The following APBB2 variants were observed in gnomAD, a reference collection of about 807,000 sequenced individuals.
APBB2 encodes amyloid beta precursor protein binding family B member 2, also known as Fe65-like 1.
In APBB2, 38 loss-of-function variants were observed where a neutral mutation model predicts 82.5. The ratio of observed to expected loss-of-function variants is 0.46; its 90% CI spans 0.36 to 0.60. The LOEUF is 0.60. Ranked by LOEUF, APBB2 falls within the 20% of genes least tolerant of loss-of-function variation. The pLI, the probability that APBB2 is intolerant of heterozygous loss-of-function variation, is 0.00. For missense variants in APBB2, 772 were observed against 972.3 expected, an observed-to-expected ratio of 0.79 and a Z score of 2.74; for synonymous variants, 341 against 368.2, an observed-to-expected ratio of 0.93 and a Z score of 0.85.
At chr4:40,974,616 G>A (rs1796709415) in intron 6 of APBB2, among the ~76,000 whole-genome samples, 1 of 152,222 alleles carries the variant, frequency 6.6e-6, no homozygotes, top group Non-Finnish European at 1.5e-5. Flanking sequence ...CTTACAGCTT[G>A]CCTATACATC....
At position 41,063,819 on chromosome 4, in the gene APBB2, C is replaced by T. The variant is rs947708811; in HGVS notation, c.-51+1757G>A. On this transcript the variant is annotated intron_variant, in intron 4 of 17. Transcript: ENST00000508593. ...TCAGCCTCCCGAGTAGCTGGGACTA[C>T]AGGCACATGCCACCATACCTGGCTA... Among the ~76,000 whole-genome samples, 7 of 152,148 alleles carry T rather than the reference C, an allele frequency of 4.6e-5. No homozygotes were observed. In the East Asian group the frequency reaches 9.6e-4, roughly 21 times the overall value.
chr4:41,035,408 T>C (rs965331267), intron 4 of APBB2, among the ~76,000 whole-genome samples: 1 of 152,246 alleles, frequency 6.6e-6, no homozygotes, highest in African/African-American at 2.4e-5. Flanking sequence ...TAAACTGTCC[T>C]GAAACAGCAA....
At chr4:41,000,069 A>C (rs9683659) in intron 6 of APBB2, among the ~76,000 whole-genome samples, 1 of 130,636 alleles carries the variant, frequency 7.7e-6, no homozygotes, top group Non-Finnish European at 1.6e-5. Flanking sequence ...ATATGTGTGT[A>C]TGTGTGTGTG....
At chr4:40,816,905 A>C (rs1317805757) in intron 17 of APBB2, among the ~76,000 whole-genome samples, 4 of 152,260 alleles carry the variant, frequency 2.6e-5, no homozygotes, top group African/African-American at 7.2e-5. Context: ...TTAAGATTTC[A>C]AGATACATGG....
chr4:41,039,835 C>CAAAA (rs11441799), intron 4 of APBB2, among the ~76,000 whole-genome samples: 38 of 139,080 alleles, frequency 2.7e-4, no homozygotes, highest in Admixed American at 5.1e-4. Flanking sequence ...GACCTTGTCT[C>CAAAA]AAAAAAAAAA....
At chr4:40,841,304 C>T (rs575612121) in intron 12 of APBB2, among the ~76,000 whole-genome samples, 25 of 152,296 alleles carry the variant, frequency 1.6e-4, no homozygotes, top group Non-Finnish European at 2.8e-4. Context: ...CGTGTCTCTC[C>T]GCTTTGCCCA....
chr4:41,204,775 G>A (rs1419778973), intron 1 of APBB2, among the ~76,000 whole-genome samples: 1 of 152,226 alleles, frequency 6.6e-6, no homozygotes, highest in Non-Finnish European at 1.5e-5. Context: ...GATAAGCCAG[G>A]AGGCCACTGC....
intron 6 of APBB2, among the ~76,000 whole-genome samples, chr4:40,974,056 G>A (rs975189119): frequency 2.6e-5 from 4 of 151,884 alleles, no homozygotes; most frequent in Non-Finnish European, 4.4e-5. Flanking sequence ...GTTTCATTAC[G>A]GTGGTCAGGC....
chr4:41,188,614 C>T (rs1021755913), intron 1 of APBB2, among the ~76,000 whole-genome samples: 1 of 152,218 alleles, frequency 6.6e-6, no homozygotes, highest in East Asian at 1.9e-4. Context: ...TTTCCAGCTT[C>T]CCGAACTGTG....
intron 5 of APBB2, among the ~76,000 whole-genome samples, chr4:41,015,561 A>G (rs151298571): frequency 1.9e-3 from 288 of 152,344 alleles, no homozygotes; most frequent in Non-Finnish European, 3.4e-3. Context: ...GTATCTCTCC[A>G]TCACCAAATA....
chr4:41,078,483 A>C (rs1033358939), intron 3 of APBB2, among the ~76,000 whole-genome samples: 1 of 152,250 alleles, frequency 6.6e-6, no homozygotes, highest in African/African-American at 2.4e-5. Flanking sequence ...TACTATAAAC[A>C]AGGAAACAGA....
chr4:40,972,585 C>T (rs1360084541), intron 6 of APBB2, among the ~76,000 whole-genome samples: 1 of 152,142 alleles, frequency 6.6e-6, no homozygotes, highest in Non-Finnish European at 1.5e-5. Context: ...TGTATTCATT[C>T]ATCAGTTCAT....
intron 3 of APBB2, chr4:41,084,491 G>A (rs926524997): frequency 3.9e-5 from 6 of 152,110 alleles, no homozygotes; most frequent in African/African-American, 9.7e-5. Flanking sequence ...TAAGAATTTC[G>A]ATAATAAAAT....
intron 3 of APBB2, among the ~76,000 whole-genome samples, chr4:41,079,486 T>C (rs1215662875): frequency 2.0e-5 from 3 of 151,954 alleles, no homozygotes; most frequent in Admixed American, 6.6e-5. Flanking sequence ...GGTTAAGCTT[T>C]AAGATACAGA....
intron 6 of APBB2, among the ~76,000 whole-genome samples, chr4:40,982,303 A>G (rs1798938194): frequency 2.0e-5 from 1 of 49,276 alleles, no homozygotes; most frequent in Non-Finnish European, 4.2e-5. Context: ...GGAAGGAAGG[A>G]AGGAAAGAAA....
intron 12 of APBB2, among the ~76,000 whole-genome samples, chr4:40,886,633 A>T (rs902333561): frequency 3.2e-4 from 49 of 152,214 alleles, no homozygotes; most frequent in African/African-American, 1.1e-3. Context: ...GGGTAGGGAC[A>T]TCCCTCCAAA....
rs956590129 is a variant in APBB2, at chr4:40,810,465, C to CTACT, written c.*5623_*5626dup. 3 of 150,376 alleles carry CTACT rather than the reference C, an allele frequency of 2.0e-5. No individual in the cohort carries two copies. The highest frequency in any genetic ancestry group is 4.4e-5 in the Non-Finnish European group (3 of 67,886). 9.3% of individuals were successfully genotyped at this position (150,376 alleles called of 1,614,324 possible). ...TGGTGGGACACGCCTGTAGTCCCAG[C>CTACT]TACTTAGGAGGCTGAGGTACGAGGA... On this transcript the variant is annotated 3_prime_UTR_variant, in exon 18 of 18. Coordinates refer to ENST00000508593, the MANE Select transcript of APBB2 (RefSeq NM_004307.2).
At chr4:41,054,457 C>A (rs1727132365) in intron 4 of APBB2, among the ~76,000 whole-genome samples, 1 of 152,110 alleles carries the variant, frequency 6.6e-6, no homozygotes. Flanking sequence ...AACTATAGCC[C>A]TATGAGCAAC....
At chr4:41,100,528 A>G (rs528252542) in intron 3 of APBB2, 111 bp downstream of exon 3, 2 of 152,274 alleles carry the variant, frequency 1.3e-5, no homozygotes, top group Middle Eastern at 3.4e-3. Flanking sequence ...ATGAAAACAT[A>G]TAAAATTTAT....
Sources: allele counts gnomAD v4.1 joint callset (sites outside exome capture counted in the v4.1 genomes callset), GRCh38; gene constraint gnomAD v4.1.1; transcripts MANE v1.5; gene names NCBI Gene and HGNC (gene_info 2026-07-23, HGNC 2026-07-21).